The following AGO2 variants were observed in gnomAD, a reference collection of about 807,000 sequenced individuals.
AGO2 encodes protein argonaute-2.
Under a neutral mutation model 102.3 loss-of-function variants are expected in AGO2, and 5 were observed. The observed-to-expected ratio is 0.05, with a 90% CI of 0.03 to 0.10. The LOEUF (loss-of-function observed/expected upper bound fraction) is 0.10. Ranked by LOEUF, AGO2 falls within the 10% of genes least tolerant of loss-of-function variation. AGO2 has a pLI of 1.00. For synonymous variants in AGO2, 449 were observed against 473.1 expected (o/e 0.95, Z 0.66); for missense variants, 541 against 1,183.7 (o/e 0.46, Z 7.97).
chr8:140,542,905 G>A (rs1273002638), intron 14 of AGO2, among the ~76,000 whole-genome samples: 2 of 152,242 alleles, frequency 1.3e-5, no homozygotes, highest in African/African-American at 2.4e-5. Flanking sequence ...TTGGGAGGTT[G>A]AAGCAGGTGG....
intron 1 of AGO2, among the ~76,000 whole-genome samples, chr8:140,598,189 C>T (rs769767152): frequency 3.3e-5 from 5 of 152,214 alleles, no homozygotes; most frequent in Admixed American, 6.5e-5. Flanking sequence ...AGAGCGTCCA[C>T]GACCCGTATG....
chr8:140,544,903 C>A (rs2072872240), intron 13 of AGO2, among the ~76,000 whole-genome samples: 1 of 152,214 alleles, frequency 6.6e-6, no homozygotes, highest in Non-Finnish European at 1.5e-5. Context: ...CGCACAGGGG[C>A]AAGGACAGGC....
chr8:140,556,774 G>T (rs372631201), intron 8 of AGO2, among the ~76,000 whole-genome samples: 1 of 152,290 alleles, frequency 6.6e-6, no homozygotes, highest in Admixed American at 6.5e-5. Flanking sequence ...AAAGAGTCGT[G>T]ATGTTAGAGG....
intron 1 of AGO2, among the ~76,000 whole-genome samples, chr8:140,603,274 C>T (rs1249688077): frequency 1.3e-5 from 2 of 152,194 alleles, no homozygotes; most frequent in Non-Finnish European, 2.9e-5. Flanking sequence ...CACCTCAAAG[C>T]GGAGTGCGTG....
intron 1 of AGO2, among the ~76,000 whole-genome samples, chr8:140,594,452 C>T (rs1322284646): frequency 6.6e-6 from 1 of 151,850 alleles, no homozygotes; most frequent in Non-Finnish European, 1.5e-5. Context: ...CATGAGCCAC[C>T]GTGCCCGGCC....
chr8:140,536,073 A>C (rs1354263374), intron 16 of AGO2, among the ~76,000 whole-genome samples: 1 of 152,138 alleles, frequency 6.6e-6, no homozygotes, highest in Non-Finnish European at 1.5e-5. Context: ...CACCTGAGAG[A>C]GCAGGGCGGC....
rs2072417514 is a variant in AGO2 at position 140,521,626 on chromosome 8, T to C, written c.*10418A>G. The C allele has an allele frequency of 6.6e-6, 1 of 152,238 alleles. No homozygotes were observed. The allele number at this position is 152,238 out of a possible 1,614,324, so 9.4% of individuals were successfully genotyped here. A position where few individuals can be genotyped will look rare whatever the true frequency, so the allele number is the denominator to read the frequency against. On this transcript the variant is annotated 3_prime_UTR_variant, in exon 19 of 19. Coordinates refer to ENST00000220592, the MANE Select transcript of AGO2 (RefSeq NM_012154.5). ...AAAAGCATGGTAAGTCATCAACCTA[T>C]CTCATTTTCTTACCTGTCAGAAAGC... is the stretch of plus-strand genomic sequence containing the variant.
intron 1 of AGO2, among the ~76,000 whole-genome samples, chr8:140,627,612 T>A (rs1482921214): frequency 2.6e-5 from 4 of 152,134 alleles, no homozygotes; most frequent in Non-Finnish European, 5.9e-5. Context: ...GGCTCCTGAG[T>A]CTGGCTGTTT....
intron 12 of AGO2, 92 bp from the exon 13 acceptor site, chr8:140,547,719 A>C: frequency 1.3e-6 from 2 of 1,505,048 alleles, no homozygotes; most frequent in Non-Finnish European, 1.8e-6. Context: ...TCTTGCCCCC[A>C]TCTGGCAAGT....
In AGO2 at chr8:140,562,568, C is replaced by G. The variant is rs757740707; in HGVS notation, c.403G>C (p.Val135Leu). Residue 135 changes from valine (V) to leucine (L), a missense_variant, in exon 4 of 19, where the codon GTG becomes CTG. By Grantham distance (32) the Val-to-Leu change is conservative. This residue lies in a region of AGO2 where 147 missense variants were observed against 204.1 expected (regional missense o/e 0.72). Coordinates refer to ENST00000220592, the MANE Select transcript of AGO2 (RefSeq NM_012154.5). ...DRIFKVSIKW[V>L]SCVSLQALHD... ...AACGCCTGCAAGCTCACGCAGGACA[C>G]CCACTTGATGGACACCTTGAAGATG... 6.2e-7 allele frequency: 1 copy of G among 1,614,142 alleles called. No individual in the cohort carries two copies. The highest frequency in any genetic ancestry group is 1.1e-5 in the South Asian group (1 of 91,084).
At chr8:140,631,045 C>A (rs2074334768) in intron 1 of AGO2, among the ~76,000 whole-genome samples, 1 of 152,140 alleles carries the variant, frequency 6.6e-6, no homozygotes. Context: ...CAGAGAACAA[C>A]CCCAACCCTC....
chr8:140,624,134 T>C (rs1012440380), intron 1 of AGO2, among the ~76,000 whole-genome samples: 2 of 152,082 alleles, frequency 1.3e-5, no homozygotes, highest in African/African-American at 2.4e-5. Flanking sequence ...CACACTGGCT[T>C]GCATGGGTGG....
chr8:140,539,552 G>T lies in AGO2; in HGVS notation c.2035-98C>A. 2.1e-6 allele frequency: 3 copies of T among 1,398,004 alleles called. No individual in the cohort carries two copies. The highest frequency in any genetic ancestry group is 2.9e-6 in the Non-Finnish European group (3 of 1,023,134). 86.6% of individuals were successfully genotyped at this position (1,398,004 alleles called of 1,614,324 possible). On this transcript the variant is annotated intron_variant, in intron 15 of 18. Coordinates refer to ENST00000220592, the MANE Select transcript of AGO2 (RefSeq NM_012154.5). This position sits in a 1 kb window ranked among gnomAD's most constrained non-coding sequence, Gnocchi z 4.7. Reference sequence around the variant, plus strand: ...TCTGGGTTGAGAACACCCAGCCGTGGTGATTCTGAGAGACAATGAGTGTGT... The same window carrying T: ...TCTGGGTTGAGAACACCCAGCCGTGTTGATTCTGAGAGACAATGAGTGTGT...
At chr8:140,562,007 C>G (rs1336894908) in intron 4 of AGO2, among the ~76,000 whole-genome samples, 1 of 152,188 alleles carries the variant, frequency 6.6e-6, no homozygotes, top group Non-Finnish European at 1.5e-5. Context: ...GCAAGTGTGG[C>G]CATTTGTGGT....
rs558500361 is a variant in AGO2 at position 140,536,445 on chromosome 8, G to A, written c.2170-876C>T. The stretch of plus-strand genomic sequence containing the variant: ...AGGTTCAAGCGATTCTCCTGCCTCG[G>A]CCTCCCGAGTGGCTGGGACTACAGG... On this transcript the variant is annotated intron_variant, in intron 16 of 18. Transcript: ENST00000220592. Among the ~76,000 whole-genome samples, 118 of 151,880 alleles carry A rather than the reference G, an allele frequency of 7.8e-4. 4 individuals are homozygous for A. The highest frequency in any genetic ancestry group is 1.2e-4 in the Non-Finnish European group (8 of 67,986).
intron 17 of AGO2, among the ~76,000 whole-genome samples, chr8:140,534,741 T>A (rs1043582070): frequency 2.6e-5 from 4 of 152,240 alleles, no homozygotes; most frequent in Admixed American, 1.3e-4. Context: ...TCCTTACTTA[T>A]ACTTTGAAAA....
rs573331527 is a variant in AGO2, at chr8:140,622,051, G to A, written c.22+13434C>T. Among the ~76,000 whole-genome samples, 78 of 152,308 alleles carry A rather than the reference G, an allele frequency of 5.1e-4. 1 individual carries two copies. In the South Asian group the frequency reaches 0.016, roughly 30 times the overall value. On this transcript the variant is annotated intron_variant, in intron 1 of 18. Coordinates refer to ENST00000220592, the MANE Select transcript of AGO2 (RefSeq NM_012154.5). Reference sequence around the variant, plus strand: ...TGAACTGGGACATATCCATACACTCGGATACTTGATGACAAAAAGAAATGA... The same window carrying A: ...TGAACTGGGACATATCCATACACTCAGATACTTGATGACAAAAAGAAATGA...
intron 1 of AGO2, among the ~76,000 whole-genome samples, chr8:140,610,018 A>G (rs2074055163): frequency 7.7e-6 from 1 of 130,288 alleles, no homozygotes; most frequent in South Asian, 2.8e-4. Context: ...ATACAGCAAG[A>G]CCTTGACTCT....
At chr8:140,580,220 G>A (rs988925690) in intron 2 of AGO2, among the ~76,000 whole-genome samples, 2 of 152,246 alleles carry the variant, frequency 1.3e-5, no homozygotes, top group African/African-American at 4.8e-5. Flanking sequence ...ACCCCACCCC[G>A]GCAGCCCCGG....
Sources: gnomAD v4.1 joint callset for allele counts (sites outside exome capture counted in the v4.1 genomes callset) on GRCh38, gnomAD v4.1.1 for gene constraint, gnomAD v4.1.1 regional missense constraint, Gnocchi (gnomAD v3.1) non-coding constraint, MANE v1.5 for transcripts, NCBI Gene and HGNC (gene_info 2026-07-23, HGNC 2026-07-21) for gene names.